Variants in PDE8B observed in about 807,000 individuals in gnomAD.
The protein encoded by PDE8B is high affinity cAMP-specific and IBMX-insensitive 3',5'-cyclic phosphodiesterase 8B.
PDE8B carries 26 observed loss-of-function variants against 101.3 expected under a neutral mutation model. That is an observed-to-expected ratio of 0.26 (90% confidence interval 0.19 to 0.36). The LOEUF (loss-of-function observed/expected upper bound fraction) is 0.36, where lower values mean the gene tolerates loss of function less well. PDE8B is among the 10% of genes least tolerant of loss of function. The pLI is 1.00. For synonymous variants in PDE8B, 424 were observed against 429.3 expected (o/e 0.99, Z 0.15); for missense variants, 810 against 1,163.1 (o/e 0.70, Z 4.42).
chr5:77,200,616 A>G, the PDE8B span, among the ~76,000 whole-genome samples: 29 of 152,256 alleles, frequency 1.9e-4, no homozygotes, highest in African/African-American at 6.7e-4. Context: ...TTGTTTTGCA[A>G]TATCTTACTA....
intron 1 of PDE8B, chr5:77,290,976 G>T: frequency 6.2e-7 from 1 of 1,611,868 alleles, no homozygotes; most frequent in African/African-American, 1.3e-5. Flanking sequence ...GGCCAAAGAT[G>T]AACGAGTGAA....
In PDE8B at chr5:77,293,644, A is replaced by G. The variant is rs536450483; in HGVS notation, c.340-18350A>G. 5.9e-5 allele frequency among the ~76,000 whole-genome samples: 9 copies of G among 152,364 alleles called. No homozygotes were observed. The South Asian group carries it at 1.4e-3, about 25-fold the overall frequency. ...AAAGGTTTTCCCCAGTGAGTGGGACATAGTGTTGCTCAGTAAACATTTGTT... is the reference window on the plus strand; with the variant it reads ...AAAGGTTTTCCCCAGTGAGTGGGACGTAGTGTTGCTCAGTAAACATTTGTT... On this transcript the variant is annotated intron_variant, in intron 1 of 21. Coordinates refer to ENST00000264917, the MANE Select transcript of PDE8B (RefSeq NM_003719.5).
chr5:77,324,880 CA>C (rs1221975171), intron 2 of PDE8B, among the ~76,000 whole-genome samples: 2 of 152,164 alleles, frequency 1.3e-5, no homozygotes, highest in Admixed American at 1.3e-4. Flanking sequence ...TATTTAAAAA[CA>C]AAGCTAATTA....
the PDE8B span, among the ~76,000 whole-genome samples, chr5:77,107,289 T>C: frequency 6.6e-6 from 1 of 152,226 alleles, no homozygotes; most frequent in African/African-American, 2.4e-5. Flanking sequence ...ATTTTCTTAA[T>C]CCAGTCTATC....
intron 2 of PDE8B, among the ~76,000 whole-genome samples, chr5:77,316,101 CTATT>C (rs1011414664): frequency 2.4e-4 from 36 of 151,724 alleles, no homozygotes; most frequent in African/African-American, 8.2e-4. Flanking sequence ...TTTGTATTTT[CTATT>C]TATTAATCTT....
the PDE8B span, among the ~76,000 whole-genome samples, chr5:77,177,565 C>T: frequency 6.6e-6 from 1 of 152,196 alleles, no homozygotes; most frequent in Non-Finnish European, 1.5e-5. Flanking sequence ...AAGTCAAGAA[C>T]TTTTATCTTT....
the PDE8B span, chr5:77,140,325 A>G: frequency 6.6e-6 from 1 of 152,052 alleles, no homozygotes; most frequent in Non-Finnish European, 1.5e-5. Context: ...AGGAACTCAG[A>G]TTTTGCAAAG....
intron 1 of PDE8B, among the ~76,000 whole-genome samples, chr5:77,282,287 A>T (rs1195849404): frequency 3.9e-5 from 6 of 151,958 alleles, no homozygotes; most frequent in Admixed American, 2.6e-4. Context: ...AAGAGTGGAC[A>T]GCCAGGATGA....
chr5:77,092,888 C>T, the PDE8B span, among the ~76,000 whole-genome samples: 4 of 152,320 alleles, frequency 2.6e-5, no homozygotes, highest in Admixed American at 6.5e-5. Flanking sequence ...TACACCAATA[C>T]ACTCCAGCCT....
chr5:77,271,292 C>G (rs1035471113), intron 1 of PDE8B, among the ~76,000 whole-genome samples: 1 of 152,238 alleles, frequency 6.6e-6, no homozygotes. Flanking sequence ...CCTTCCTTGA[C>G]CACCTCCAGC....
the PDE8B span, among the ~76,000 whole-genome samples, chr5:77,191,383 C>T: frequency 6.6e-6 from 1 of 150,470 alleles, no homozygotes; most frequent in Non-Finnish European, 1.5e-5. Flanking sequence ...GACGGAGTCT[C>T]ACTCTGTTGC....
intron 5 of PDE8B, among the ~76,000 whole-genome samples, chr5:77,335,574 AG>A: frequency 1.3e-5 from 2 of 150,426 alleles, no homozygotes. Flanking sequence ...TGAGAGAGAG[AG>A]GAAGGAGTGA....
rs1755837432 is a variant in PDE8B, at chr5:77,241,885, G to A, written c.339+30621G>A. 2.0e-5 allele frequency among the ~76,000 whole-genome samples: 3 copies of A among 152,278 alleles called. No individual in the cohort carries two copies. In the South Asian group the frequency reaches 6.2e-4, roughly 32 times the overall value. On this transcript the variant is annotated intron_variant, in intron 1 of 21. Transcript: ENST00000264917. ...TGCTGTAGCTGCTATAATGCCTCTG[G>A]AAAAGATAGCAGAAAAAATCCACTG... is the stretch of plus-strand genomic sequence containing the variant.
intron 10 of PDE8B, among the ~76,000 whole-genome samples, chr5:77,363,209 G>T (rs899742151): frequency 1.3e-5 from 2 of 152,232 alleles, no homozygotes; most frequent in African/African-American, 4.8e-5. Context: ...ACTGAGGCTT[G>T]AAGTGGTCAA....
chr5:77,139,535 C>T, the PDE8B span: 1 of 152,224 alleles, frequency 6.6e-6, no homozygotes, highest in Admixed American at 6.5e-5. Context: ...ACTGTCACTT[C>T]AAATATTACT....
At chr5:77,207,787 A>G (rs1323119057), upstream of PDE8B, among the ~76,000 whole-genome samples, 2 of 152,196 alleles carry the variant, frequency 1.3e-5, no homozygotes, top group Admixed American at 6.5e-5. Context: ...TGTTCCAGCA[A>G]TGGGGGCAGG....
the PDE8B span, among the ~76,000 whole-genome samples, chr5:77,174,975 T>G: frequency 6.6e-6 from 1 of 152,212 alleles, no homozygotes; most frequent in Non-Finnish European, 1.5e-5. Context: ...CCACCCATTC[T>G]CTTCCTGATC....
At chr5:77,131,998 G>A in the PDE8B span, among the ~76,000 whole-genome samples, 1 of 152,116 alleles carries the variant, frequency 6.6e-6, no homozygotes, top group Non-Finnish European at 1.5e-5. Flanking sequence ...CAAACACGGT[G>A]CATAATTATT....
the PDE8B span, among the ~76,000 whole-genome samples, chr5:77,164,698 T>C: frequency 6.6e-6 from 1 of 152,184 alleles, no homozygotes; most frequent in Admixed American, 6.5e-5. Context: ...GCATTGGAGT[T>C]AACAGGATTC....
Sources: allele counts gnomAD v4.1 joint callset (sites outside exome capture counted in the v4.1 genomes callset), GRCh38; gene constraint gnomAD v4.1.1; transcripts MANE v1.5; gene names NCBI Gene and HGNC (gene_info 2026-07-23, HGNC 2026-07-21).